The following SUGCT variants were observed in gnomAD, a reference collection of about 807,000 sequenced individuals.
SUGCT encodes the protein succinyl-CoA:glutarate-CoA transferase.
In SUGCT, 41 loss-of-function variants were observed where a neutral mutation model predicts 55.0. The observed-to-expected ratio is 0.74, with a 90% CI of 0.58 to 0.97. The LOEUF (loss-of-function observed/expected upper bound fraction) is 0.97. SUGCT is among the 50% of genes least tolerant of loss of function. The probability of loss-of-function intolerance (pLI) is 0.00; values close to 1 mark genes in which losing one functional copy is unlikely to be tolerated. For missense variants in SUGCT, 568 were observed against 547.8 expected (o/e 1.04, Z -0.37); for synonymous variants, 187 against 200.4 (o/e 0.93, Z 0.56).
chr7:40,153,550 A>C, intron 1 of SUGCT: 1 of 454,484 alleles, frequency 2.2e-6, no homozygotes, highest in Non-Finnish European at 4.3e-6. Context: ...TTTTGGACCT[A>C]TGGGCACATT....
chr7:40,405,847 A>C (rs1414440386), intron 9 of SUGCT, among the ~76,000 whole-genome samples: 1 of 151,424 alleles, frequency 6.6e-6, no homozygotes, highest in Non-Finnish European at 1.5e-5. Flanking sequence ...CCAATGAGGA[A>C]ATGTTAGTTT....
chr7:40,625,107 A>T (rs1293973293), intron 12 of SUGCT, among the ~76,000 whole-genome samples: 1 of 152,064 alleles, frequency 6.6e-6, no homozygotes, highest in East Asian at 1.9e-4. Context: ...AAAGGTTCCA[A>T]TGCCATCCCC....
chr7:40,668,664 G>A (rs1235705976), intron 12 of SUGCT, among the ~76,000 whole-genome samples: 1 of 152,142 alleles, frequency 6.6e-6, no homozygotes, highest in African/African-American at 2.4e-5. Context: ...CAATAGGATG[G>A]TCAGTTCTTT....
At chr7:40,505,817 C>A (rs1304012839) in intron 12 of SUGCT, among the ~76,000 whole-genome samples, 1 of 151,906 alleles carries the variant, frequency 6.6e-6, no homozygotes, top group African/African-American at 2.4e-5. Context: ...TTATAGTAAT[C>A]TTTTTGTTAA....
At chr7:40,553,669 T>G (rs555701311) in intron 12 of SUGCT, among the ~76,000 whole-genome samples, 13 of 152,218 alleles carry the variant, frequency 8.5e-5, no homozygotes, top group Non-Finnish European at 1.6e-4. Context: ...TTCCACACCA[T>G]CTACCTCGTT....
chr7:40,608,677 A>C (rs1798631456), intron 12 of SUGCT, among the ~76,000 whole-genome samples: 1 of 152,190 alleles, frequency 6.6e-6, no homozygotes, highest in Non-Finnish European at 1.5e-5. Context: ...GTGTGTTTTT[A>C]GTCCATTTAT....
chr7:40,728,067 A>G (rs1786701774), intron 12 of SUGCT, among the ~76,000 whole-genome samples: 1 of 152,210 alleles, frequency 6.6e-6, no homozygotes, highest in Non-Finnish European at 1.5e-5. Context: ...TATCTCCTTA[A>G]AAAAGATGAA....
chr7:40,936,592 A>T, the SUGCT span, among the ~76,000 whole-genome samples: 9 of 151,048 alleles, frequency 6.0e-5, no homozygotes, highest in Non-Finnish European at 1.0e-4. Context: ...TCTATTCTCT[A>T]TTTCATGTAT....
At chr7:41,031,997 GAATGAATGAA>G in the SUGCT span, among the ~76,000 whole-genome samples, 46 of 54,002 alleles carry the variant, frequency 8.5e-4, no homozygotes, top group Non-Finnish European at 1.8e-3. Flanking sequence ...GGGTCTCAAT[GAATGAATGAA>G]TGAATGAATG....
chr7:40,962,605 ACAC>A, the SUGCT span, among the ~76,000 whole-genome samples: 1 of 145,590 alleles, frequency 6.9e-6, no homozygotes, highest in Non-Finnish European at 1.5e-5. Context: ...ACACACACAC[ACAC>A]ACATCAGAAA....
the SUGCT span, among the ~76,000 whole-genome samples, chr7:41,009,208 TAAAAAA>T: frequency 9.7e-6 from 1 of 103,332 alleles, no homozygotes. Flanking sequence ...TGTCTCTCTC[TAAAAAA>T]AAAAAAAAAA....
intron 12 of SUGCT, among the ~76,000 whole-genome samples, chr7:40,513,450 A>G (rs1174947015): frequency 2.6e-5 from 4 of 152,150 alleles, no homozygotes; most frequent in Admixed American, 2.6e-4. Context: ...GCCATTTAGG[A>G]TCATAAAACT....
At chr7:40,499,533 G>A (rs1439598300) in intron 12 of SUGCT, 1 of 175,938 alleles carries the variant, frequency 5.7e-6, no homozygotes, top group Non-Finnish European at 1.2e-5. Flanking sequence ...ATATGTGACA[G>A]ACCTTTGCAC....
intron 12 of SUGCT, among the ~76,000 whole-genome samples, chr7:40,719,987 T>C (rs1786236280): frequency 6.6e-6 from 1 of 152,078 alleles, no homozygotes; most frequent in Non-Finnish European, 1.5e-5. Flanking sequence ...GTAGAGATCA[T>C]GTTGGCCAGG....
At chr7:40,388,761 T>C (rs1217615404) in intron 9 of SUGCT, among the ~76,000 whole-genome samples, 2 of 152,188 alleles carry the variant, frequency 1.3e-5, no homozygotes, top group African/African-American at 4.8e-5. Context: ...CCTGTGAACT[T>C]AATGTTTTAT....
intron 8 of SUGCT, among the ~76,000 whole-genome samples, chr7:40,296,781 T>A (rs1297622556): frequency 6.6e-6 from 1 of 152,086 alleles, no homozygotes; most frequent in Non-Finnish European, 1.5e-5. Context: ...TTTGTGTGTG[T>A]GTAATTGATT....
At chr7:40,419,823 A>G (rs545497511) in intron 9 of SUGCT, among the ~76,000 whole-genome samples, 1 of 152,322 alleles carries the variant, frequency 6.6e-6, no homozygotes, top group African/African-American at 2.4e-5. Flanking sequence ...AATGGTTAAT[A>G]AAAAGAAAAA....
intron 13 of SUGCT, among the ~76,000 whole-genome samples, chr7:40,768,645 A>G (rs1372371309): frequency 6.6e-6 from 1 of 152,212 alleles, no homozygotes; most frequent in Non-Finnish European, 1.5e-5. Context: ...ATCAGGCTGG[A>G]TGCTTAAAAA....
At chr7:41,016,612 G>A in the SUGCT span, among the ~76,000 whole-genome samples, 3,798 of 152,264 alleles carry the variant, frequency 0.025, 165 homozygotes, top group African/African-American at 0.086. Flanking sequence ...TGCAATCCCA[G>A]CACCCAGCAA....
Sources: gnomAD v4.1 joint callset for allele counts (sites outside exome capture counted in the v4.1 genomes callset) on GRCh38, gnomAD v4.1.1 for gene constraint, MANE v1.5 for transcripts, NCBI Gene and HGNC (gene_info 2026-07-23, HGNC 2026-07-21) for gene names.